Variants in ELL observed in about 807,000 individuals in gnomAD.
ELL encodes RNA polymerase II elongation factor ELL.
ELL carries 18 observed loss-of-function variants against 64.0 expected under a neutral mutation model. The observed-to-expected ratio is 0.28, with a 90% CI of 0.19 to 0.42. ELL has a LOEUF of 0.42. Ranked by LOEUF, ELL falls within the 10% of genes least tolerant of loss-of-function variation. The probability of loss-of-function intolerance (pLI) is 1.00; values close to 1 mark genes in which losing one functional copy is unlikely to be tolerated. For synonymous variants in ELL, 399 were observed against 376.2 expected (o/e 1.06, Z -0.70); for missense variants, 797 against 870.4 (o/e 0.92, Z 1.06).
intron 4 of ELL, among the ~76,000 whole-genome samples, chr19:18,464,197 T>C (rs1473870621): frequency 5.9e-5 from 9 of 151,980 alleles, no homozygotes; most frequent in African/African-American, 1.2e-4. Context: ...AGCGAGGCTC[T>C]GTCTCTACAA....
chr19:18,445,800 C>T (rs1401420568), intron 10 of ELL, among the ~76,000 whole-genome samples: 1 of 152,090 alleles, frequency 6.6e-6, no homozygotes, highest in Non-Finnish European at 1.5e-5. Flanking sequence ...TCTGTATACA[C>T]AGGGCAGCTG....
chr19:18,511,696 G>A (rs1347655320), intron 1 of ELL, among the ~76,000 whole-genome samples: 3 of 152,098 alleles, frequency 2.0e-5, no homozygotes, highest in African/African-American at 7.2e-5. Context: ...ACAGTGCTGT[G>A]GGCTTTCCAG....
In ELL at chr19:18,442,698, G is replaced by A. The variant is rs1974320311; in HGVS notation, c.*2054C>T. 1 of 191,282 alleles carries A rather than the reference G, an allele frequency of 5.2e-6. No individual in the cohort carries two copies. The highest frequency in any genetic ancestry group is 2.3e-5 in the African/African-American group (1 of 42,778). The allele number at this position is 191,282 out of a possible 1,614,324, so 11.8% of individuals were successfully genotyped here. ...TGAAATTTATTGGAGAATGAAAAAA[G>A]TCAGCATTCACCTGTTTAGTGTACA... On this transcript the variant is annotated 3_prime_UTR_variant, in exon 12 of 12. Coordinates refer to ENST00000262809, the MANE Select transcript of ELL (RefSeq NM_006532.4).
chr19:18,453,490 A>C (rs1974585303), intron 6 of ELL, among the ~76,000 whole-genome samples: 1 of 152,208 alleles, frequency 6.6e-6, no homozygotes, highest in Non-Finnish European at 1.5e-5. Flanking sequence ...CCCTGCAAGG[A>C]GCAATAATGA....
At chr19:18,453,910 C>T (rs1974595359) in intron 6 of ELL, among the ~76,000 whole-genome samples, 2 of 152,204 alleles carry the variant, frequency 1.3e-5, no homozygotes, top group Non-Finnish European at 1.5e-5. Context: ...CCACAGATTA[C>T]ATGTCAGCCA....
intron 6 of ELL, among the ~76,000 whole-genome samples, chr19:18,456,660 A>G (rs1313400504): frequency 6.6e-6 from 1 of 152,140 alleles, no homozygotes; most frequent in East Asian, 1.9e-4. Flanking sequence ...ACCCATGGAC[A>G]GTGATGAGAG....
chr19:18,476,704 G>GTCCCCAT (rs1164771030), intron 1 of ELL, among the ~76,000 whole-genome samples: 1 of 152,176 alleles, frequency 6.6e-6, no homozygotes, highest in Non-Finnish European at 1.5e-5. Flanking sequence ...TCAAGTGCCT[G>GTCCCCAT]TCCCCATGAG....
intron 1 of ELL, among the ~76,000 whole-genome samples, chr19:18,498,099 C>T (rs934470929): frequency 2.0e-4 from 31 of 151,940 alleles, no homozygotes; most frequent in Admixed American, 5.9e-4. Flanking sequence ...TGCACTCCAT[C>T]CTGGGCAACA....
chr19:18,520,194 CCTGGTT>C (rs1180446854), intron 1 of ELL, among the ~76,000 whole-genome samples: 2 of 152,186 alleles, frequency 1.3e-5, no homozygotes, highest in Non-Finnish European at 2.9e-5. Flanking sequence ...AGGCGGAGCT[CCTGGTT>C]CCTAAAGCAC....
intron 1 of ELL, among the ~76,000 whole-genome samples, chr19:18,489,839 T>C (rs1207452809): frequency 2.0e-5 from 3 of 152,160 alleles, no homozygotes; most frequent in South Asian, 2.1e-4. Flanking sequence ...GGTTGGTCTC[T>C]TCCCACCTAA....
intron 1 of ELL, among the ~76,000 whole-genome samples, chr19:18,508,670 A>T (rs1436958823): frequency 2.6e-5 from 4 of 152,226 alleles, no homozygotes; most frequent in African/African-American, 9.6e-5. Context: ...ACCAGCGGCC[A>T]GCAAGCTTCT....
chr19:18,514,468 C>G (rs1413429147), intron 1 of ELL, among the ~76,000 whole-genome samples: 4 of 140,992 alleles, frequency 2.8e-5, no homozygotes, highest in South Asian at 2.3e-4. Context: ...GAGCTGAGAT[C>G]ACACCACTGC....
intron 1 of ELL, among the ~76,000 whole-genome samples, chr19:18,520,400 G>T (rs1362661120): frequency 2.0e-5 from 3 of 152,182 alleles, no homozygotes; most frequent in Admixed American, 1.3e-4. Context: ...TGCTGTCGCT[G>T]CCACTGTCTC....
intron 1 of ELL, among the ~76,000 whole-genome samples, chr19:18,492,288 G>A (rs976028303): frequency 7.9e-5 from 12 of 152,210 alleles, no homozygotes; most frequent in Non-Finnish European, 1.6e-4. Flanking sequence ...TCTCCTGCAC[G>A]GGACAGCTCC....
At chr19:18,462,301 T>C (rs1019666605) in intron 4 of ELL, among the ~76,000 whole-genome samples, 2 of 137,262 alleles carry the variant, frequency 1.5e-5, no homozygotes, top group Non-Finnish European at 3.0e-5. Flanking sequence ...AATGTGTGTG[T>C]GCGTGTATGA....
intron 1 of ELL, among the ~76,000 whole-genome samples, chr19:18,482,336 T>TTTTTTTTTTTTTTTTTC (rs781472836): frequency 7.8e-6 from 1 of 127,924 alleles, no homozygotes. Flanking sequence ...TTTTTTTTTT[T>TTTTTTTTTTTTTTTTTC]AAACAGGGTC....
Position 18,443,050 on chromosome 19 carries a change from G to A in ELL, c.*1702C>T, listed in dbSNP as rs1974327515. On this transcript the variant is annotated 3_prime_UTR_variant, in exon 12 of 12. Coordinates refer to ENST00000262809, the MANE Select transcript of ELL (RefSeq NM_006532.4). ...AATTCAACTGACAGCCCCTTGGACT[G>A]GTTCCCAGGGCAGAGGGGCGGGCAG... The A allele has an allele frequency of 4.3e-6, 1 of 232,432 alleles. No homozygotes were observed. The highest frequency in any genetic ancestry group is 5.6e-5 in the Admixed American group (1 of 17,778). 14.4% of individuals were successfully genotyped at this position (232,432 alleles called of 1,614,324 possible). A position where few individuals can be genotyped will look rare whatever the true frequency, so the allele number is the denominator to read the frequency against.
At chr19:18,521,519 C>T (rs1333721573) in intron 1 of ELL, among the ~76,000 whole-genome samples, 2 of 152,194 alleles carry the variant, frequency 1.3e-5, no homozygotes, top group Non-Finnish European at 2.9e-5. Flanking sequence ...ATGGAAAAGC[C>T]CCCAGCTTCC....
intron 1 of ELL, among the ~76,000 whole-genome samples, chr19:18,515,717 G>C (rs988075435): frequency 6.6e-5 from 10 of 152,298 alleles, no homozygotes; most frequent in Non-Finnish European, 1.3e-4. Context: ...GGCCTCTTGG[G>C]GACGCGGAAA....
Sources: gnomAD v4.1 joint callset for allele counts (sites outside exome capture counted in the v4.1 genomes callset) on GRCh38, gnomAD v4.1.1 for gene constraint, MANE v1.5 for transcripts, NCBI Gene and HGNC (gene_info 2026-07-23, HGNC 2026-07-21) for gene names.